Variants in CALCR observed in about 807,000 individuals in gnomAD.
CALCR encodes the protein calcitonin receptor.
Under a neutral mutation model 59.5 loss-of-function variants are expected in CALCR, and 47 were observed. The observed-to-expected ratio is 0.79, with a 90% CI of 0.63 to 1.01. CALCR has a LOEUF of 1.01. Among genes scored for constraint, CALCR ranks in the 50% least tolerant of loss-of-function variants. The pLI is 0.00. For synonymous variants in CALCR, 213 were observed against 211.3 expected, an observed-to-expected ratio of 1.01 and a Z score of -0.07; for missense variants, 566 against 597.1, an observed-to-expected ratio of 0.95 and a Z score of 0.54.
At position 93,443,603 on chromosome 7, in the gene CALCR, C is replaced by A. The variant is rs371796364; in HGVS notation, c.802+1G>T. 18 of 1,612,324 alleles carry A rather than the reference C, an allele frequency of 1.1e-5. No individual in the cohort carries two copies. The highest frequency in any genetic ancestry group is 2.7e-5 in the African/African-American group (2 of 74,900). On this transcript the variant is annotated splice_donor_variant, in intron 9 of 13. Coordinates refer to ENST00000426151, the MANE Select transcript of CALCR (RefSeq NM_001742.4). LOFTEE classifies it high-confidence loss of function. ...AAAACTTAGCTGCAGAAAATACATACCCCAGCCCAAGAGATAATACCACCG... is the reference window on the plus strand; with the variant it reads ...AAAACTTAGCTGCAGAAAATACATAACCCAGCCCAAGAGATAATACCACCG...
chr7:93,454,454 C>T (rs937094612), intron 8 of CALCR, among the ~76,000 whole-genome samples: 3 of 151,946 alleles, frequency 2.0e-5, no homozygotes, highest in African/African-American at 7.2e-5. Flanking sequence ...ACTAATCTCT[C>T]TGCATTGTGC....
intron 2 of CALCR, among the ~76,000 whole-genome samples, chr7:93,530,435 G>A (rs889933369): frequency 2.0e-5 from 3 of 151,916 alleles, no homozygotes; most frequent in Non-Finnish European, 2.9e-5. Flanking sequence ...CTTTAATGCC[G>A]CATCACTCAA....
chr7:93,435,448 C>T (rs1488007189), intron 12 of CALCR, among the ~76,000 whole-genome samples: 1 of 152,070 alleles, frequency 6.6e-6, no homozygotes, highest in Non-Finnish European at 1.5e-5. Flanking sequence ...AACAAAGAGC[C>T]TCAAAAAAAC....
intron 2 of CALCR, among the ~76,000 whole-genome samples, chr7:93,539,078 C>T (rs1789063886): frequency 6.6e-6 from 1 of 152,054 alleles, no homozygotes; most frequent in African/African-American, 2.4e-5. Context: ...CGGTATATGA[C>T]ATTATAATAT....
At chr7:93,442,469 CA>C (rs1725173285) in intron 9 of CALCR, among the ~76,000 whole-genome samples, 1 of 152,146 alleles carries the variant, frequency 6.6e-6, no homozygotes, top group South Asian at 2.1e-4. Context: ...CCCCTTTCTG[CA>C]GTTTACAGAC....
chr7:93,444,975 A>G (rs1353992088), intron 8 of CALCR, among the ~76,000 whole-genome samples: 2 of 152,126 alleles, frequency 1.3e-5, no homozygotes, highest in Non-Finnish European at 2.9e-5. Flanking sequence ...CGTTTACTCA[A>G]AACCTGTTGT....
intron 2 of CALCR, among the ~76,000 whole-genome samples, chr7:93,525,265 A>G (rs771980787): frequency 6.6e-6 from 1 of 152,200 alleles, no homozygotes; most frequent in Non-Finnish European, 1.5e-5. Flanking sequence ...AGGAAACATT[A>G]CCTTTTAATA....
chr7:93,516,696 A>G (rs1461273984), intron 2 of CALCR, among the ~76,000 whole-genome samples: 2 of 151,896 alleles, frequency 1.3e-5, no homozygotes, highest in African/African-American at 4.8e-5. Context: ...CATAAAGATT[A>G]TCTCTAATTA....
chr7:93,545,915 G>C (rs898170382), intron 2 of CALCR, among the ~76,000 whole-genome samples: 1 of 151,864 alleles, frequency 6.6e-6, no homozygotes, highest in Non-Finnish European at 1.5e-5. Flanking sequence ...ATTAAAGTAG[G>C]GGCTAAACAA....
At chr7:93,546,576 C>CTTTTT (rs772741599) in intron 2 of CALCR, among the ~76,000 whole-genome samples, 1 of 141,896 alleles carries the variant, frequency 7.0e-6, no homozygotes, top group Non-Finnish European at 1.6e-5. Context: ...TTTTTCTTTT[C>CTTTTT]TTTTTTTTTT....
chr7:93,505,745 G>T (rs1465599948), intron 2 of CALCR, among the ~76,000 whole-genome samples: 1 of 152,032 alleles, frequency 6.6e-6, no homozygotes, highest in Non-Finnish European at 1.5e-5. Context: ...AAAATCACGC[G>T]CACACACTTC....
chr7:93,452,121 G>A (rs1176349182), intron 8 of CALCR, among the ~76,000 whole-genome samples: 3 of 151,884 alleles, frequency 2.0e-5, no homozygotes, highest in South Asian at 2.1e-4. Context: ...TCAACTCCAC[G>A]CAAGATGCCC....
rs914310907 is a variant in CALCR at position 93,557,210 on chromosome 7, A to C, written c.-27+17079T>G. On this transcript the variant is annotated intron_variant, in intron 2 of 13. Transcript: ENST00000426151. ...CTTTACCAAATGTCTCCAATCTCAG[A>C]CTGCTTATGTATAAAATGAAGATAA... is the stretch of plus-strand genomic sequence containing the variant. 9.9e-5 allele frequency among the ~76,000 whole-genome samples: 15 copies of C among 152,094 alleles called. No homozygotes were observed. The East Asian group carries it at 2.1e-3, about 21-fold the overall frequency.
At chr7:93,497,584 C>T (rs889915847) in intron 2 of CALCR, among the ~76,000 whole-genome samples, 1 of 151,572 alleles carries the variant, frequency 6.6e-6, no homozygotes, top group East Asian at 1.9e-4. Context: ...CCTGTGCCCT[C>T]AGAGTGGTCT....
intron 5 of CALCR, among the ~76,000 whole-genome samples, chr7:93,473,150 G>A (rs1800589432): frequency 1.3e-5 from 2 of 151,754 alleles, no homozygotes; most frequent in African/African-American, 2.4e-5. Flanking sequence ...ACTTTTTAAA[G>A]TATCTCATAG....
chr7:93,514,678 A>G (rs1801614313), intron 2 of CALCR, among the ~76,000 whole-genome samples: 1 of 152,008 alleles, frequency 6.6e-6, no homozygotes, highest in Admixed American at 6.6e-5. Flanking sequence ...GAAAACATTA[A>G]GAATGTTCTG....
chr7:93,492,654 T>C (rs941960102), intron 2 of CALCR, among the ~76,000 whole-genome samples: 2 of 151,402 alleles, frequency 1.3e-5, no homozygotes, highest in Non-Finnish European at 3.0e-5. Context: ...GATTCCAGTA[T>C]AAGAAGTTGA....
chr7:93,499,226 AC>A (rs982525721), intron 2 of CALCR, among the ~76,000 whole-genome samples: 15 of 151,756 alleles, frequency 9.9e-5, no homozygotes, highest in African/African-American at 3.6e-4. Flanking sequence ...ATAAACTAAA[AC>A]AGAATTTCCA....
chr7:93,531,382 T>C (rs548869449), intron 2 of CALCR, among the ~76,000 whole-genome samples: 11 of 152,176 alleles, frequency 7.2e-5, no homozygotes, highest in African/African-American at 2.2e-4. Context: ...GATACTAAAT[T>C]ACTACCTTTG....
Sources: allele counts gnomAD v4.1 joint callset (sites outside exome capture counted in the v4.1 genomes callset), GRCh38; gene constraint gnomAD v4.1.1; transcripts MANE v1.5; gene names NCBI Gene and HGNC (gene_info 2026-07-23, HGNC 2026-07-21).